The following TG variants were observed in gnomAD, a reference collection of about 807,000 sequenced individuals.
The protein encoded by TG is thyroglobulin.
Under a neutral mutation model 324.7 loss-of-function variants are expected in TG, and 270 were observed. The observed-to-expected ratio is 0.83, with a 90% CI of 0.75 to 0.92. The LOEUF (loss-of-function observed/expected upper bound fraction) is 0.92. TG is among the 40% of genes least tolerant of loss of function. The pLI is 0.00. For synonymous variants in TG, 1,401 were observed against 1,327.0 expected (o/e 1.06, Z -1.21); for missense variants, 3,591 against 3,456.4 (o/e 1.04, Z -0.98).
chr8:132,933,886 G>T (rs1232247686), intron 24 of TG, among the ~76,000 whole-genome samples: 2 of 152,158 alleles, frequency 1.3e-5, no homozygotes, highest in Non-Finnish European at 2.9e-5. Flanking sequence ...GGAGTAAGGG[G>T]CGTCTGCTTG....
In TG at chr8:132,896,520, G is replaced by A. The variant is rs371369478; in HGVS notation, c.3002-1129G>A. On this transcript the variant is annotated intron_variant, in intron 11 of 47. Transcript: ENST00000220616. ...CCCGTTCTCCCTCCAGGATCCTGGTGAGGAGCCCCAACCTGCCCCAAGTGC... is the reference window on the plus strand; with the variant it reads ...CCCGTTCTCCCTCCAGGATCCTGGTAAGGAGCCCCAACCTGCCCCAAGTGC... Among the ~76,000 whole-genome samples, 30 of 152,320 alleles carry A rather than the reference G, an allele frequency of 2.0e-4. No individual in the cohort carries two copies. The South Asian group carries it at 2.9e-3, about 15-fold the overall frequency.
In TG at chr8:132,913,109, T is replaced by C. The variant is rs1216379291; in HGVS notation, c.4222T>C (p.Phe1408Leu). ...CACAGATCTGATCCAGAGTGGCTCATTCCAGCTTCATCTGGACTCCAAGAC... is the reference window on the plus strand; with the variant it reads ...CACAGATCTGATCCAGAGTGGCTCACTCCAGCTTCATCTGGACTCCAAGAC... ...RFTDLIQSGS[F>L]QLHLDSKTFP... The change falls in exon 20 of 48, where the codon TTC (phenylalanine) becomes CTC (leucine). Residue 1408 changes from phenylalanine (F) to leucine (L), a missense_variant. Coordinates refer to ENST00000220616, the MANE Select transcript of TG (RefSeq NM_003235.5). 6.2e-7 allele frequency: 1 copy of C among 1,614,078 alleles called. No individual in the cohort carries two copies. The highest frequency in any genetic ancestry group is 2.2e-5 in the East Asian group (1 of 44,880).
intron 16 of TG, among the ~76,000 whole-genome samples, chr8:132,903,250 T>A (rs571574692): frequency 6.6e-6 from 1 of 152,362 alleles, no homozygotes; most frequent in South Asian, 2.1e-4. Context: ...TTTTTAAGAC[T>A]GGGGAGCTAA....
chr8:132,991,446 G>A (rs1382012386), intron 35 of TG, among the ~76,000 whole-genome samples: 6 of 152,208 alleles, frequency 3.9e-5, no homozygotes, highest in Non-Finnish European at 8.8e-5. Context: ...GCCCAGGTGA[G>A]TGGCCACTGA....
chr8:133,029,686 C>G, intron 40 of TG, 135 bp from the exon 41 acceptor site: 1 of 1,044,342 alleles, frequency 9.6e-7, no homozygotes, highest in Non-Finnish European at 1.5e-6. Flanking sequence ...TTGGAACCCA[C>G]AGTCTCTACC....
intron 26 of TG, among the ~76,000 whole-genome samples, chr8:132,947,236 C>T (rs1281740739): frequency 1.3e-5 from 2 of 152,182 alleles, no homozygotes. Context: ...GTGCTCTTTA[C>T]AAACATGTAT....
intron 37 of TG, 126 bp from the exon 38 acceptor site, chr8:133,017,652 T>C (rs1239123254): frequency 1.1e-6 from 1 of 912,324 alleles, no homozygotes; most frequent in Admixed American, 1.9e-5. Flanking sequence ...AATGAATGAT[T>C]GACATTTTCA....
At chr8:133,065,094 G>T (rs1842864952) in intron 41 of TG, among the ~76,000 whole-genome samples, 1 of 152,264 alleles carries the variant, frequency 6.6e-6, no homozygotes, top group South Asian at 2.1e-4. Context: ...TTCTTCTAAG[G>T]CATGGAAGTG....
At chr8:132,871,322 T>C in intron 3 of TG, 26 bp from the exon 4 acceptor site, 1 of 1,613,140 alleles carries the variant, frequency 6.2e-7, no homozygotes, top group Non-Finnish European at 8.5e-7. Context: ...TGCAGTTCTA[T>C]CTAACATTGC....
intron 45 of TG, among the ~76,000 whole-genome samples, chr8:133,120,950 C>T (rs1212966188): frequency 6.6e-6 from 1 of 152,194 alleles, no homozygotes; most frequent in African/African-American, 2.4e-5. Context: ...CAACCTCAGA[C>T]TCCCATGGCC....
chr8:133,090,671 AT>A (rs1847356896), intron 41 of TG, among the ~76,000 whole-genome samples: 1 of 152,186 alleles, frequency 6.6e-6, no homozygotes, highest in African/African-American at 2.4e-5. Flanking sequence ...CACATCAGGT[AT>A]TTTCCCTCCA....
At chr8:132,905,958 G>T (rs918469585) in intron 16 of TG, among the ~76,000 whole-genome samples, 1 of 152,158 alleles carries the variant, frequency 6.6e-6, no homozygotes, top group South Asian at 2.1e-4. Context: ...AGGCATTGGG[G>T]AGCTGGAGGA....
At chr8:133,047,480 A>T (rs1839644497) in intron 41 of TG, 1 of 239,084 alleles carries the variant, frequency 4.2e-6, no homozygotes, top group Non-Finnish European at 8.4e-6. Context: ...AGAGCTTGAG[A>T]GCACAGCCCA....
At chr8:132,981,838 G>A (rs1270555885) in intron 34 of TG, among the ~76,000 whole-genome samples, 2 of 152,162 alleles carry the variant, frequency 1.3e-5, no homozygotes, top group African/African-American at 4.8e-5. Context: ...GGCAGATGAT[G>A]CCAAGGGGAA....
chr8:133,064,658 C>T (rs956786034), intron 41 of TG, among the ~76,000 whole-genome samples: 2 of 152,224 alleles, frequency 1.3e-5, no homozygotes, highest in African/African-American at 4.8e-5. Flanking sequence ...ACTGGCATGG[C>T]GTTGCCGTCG....
chr8:133,011,444 G>T, intron 35 of TG, among the ~76,000 whole-genome samples: 1 of 152,194 alleles, frequency 6.6e-6, no homozygotes, highest in East Asian at 1.9e-4. Flanking sequence ...GCACCCCACA[G>T]TGTCCCTTAC....
intron 41 of TG, 92 bp from the exon 42 acceptor site, chr8:133,094,952 A>G (rs995987335): frequency 2.5e-6 from 4 of 1,574,438 alleles, no homozygotes; most frequent in Non-Finnish European, 3.5e-6. Flanking sequence ...TGGAGGAAGG[A>G]TGCAGAACCC....
At chr8:132,962,936 C>T in intron 28 of TG, 58 bp from the exon 29 acceptor site, 1 of 1,507,920 alleles carries the variant, frequency 6.6e-7, no homozygotes, top group Non-Finnish European at 9.2e-7. Flanking sequence ...ATTTTGTTGA[C>T]CAGTGGAGTA....
chr8:132,922,859 C>T (rs1042513459), intron 21 of TG, among the ~76,000 whole-genome samples: 1 of 152,208 alleles, frequency 6.6e-6, no homozygotes, highest in Non-Finnish European at 1.5e-5. Flanking sequence ...AAGGCACCAC[C>T]TGCTAATACC....
Sources: allele counts gnomAD v4.1 joint callset (sites outside exome capture counted in the v4.1 genomes callset), GRCh38; gene constraint gnomAD v4.1.1; transcripts MANE v1.5; gene names NCBI Gene and HGNC (gene_info 2026-07-23, HGNC 2026-07-21).